RIMS2: variants seen among roughly 807,000 people sequenced by gnomAD.
The protein encoded by RIMS2 is regulating synaptic membrane exocytosis protein 2.
Under a neutral mutation model 174.4 loss-of-function variants are expected in RIMS2, and 59 were observed. That is an observed-to-expected ratio of 0.34 (90% CI 0.27 to 0.42). The LOEUF (loss-of-function observed/expected upper bound fraction) is 0.42. Ranked by LOEUF, RIMS2 falls within the 10% of genes least tolerant of loss-of-function variation. The probability of loss-of-function intolerance (pLI) is 1.00; values close to 1 mark genes in which losing one functional copy is unlikely to be tolerated. For missense variants in RIMS2, 1,620 were observed against 1,666.3 expected, an observed-to-expected ratio of 0.97 and a Z score of 0.48; for synonymous variants, 606 against 572.5, an observed-to-expected ratio of 1.06 and a Z score of -0.84.
intron 1 of RIMS2, among the ~76,000 whole-genome samples, chr8:103,629,274 G>A (rs554312164): frequency 4.6e-5 from 7 of 152,202 alleles, no homozygotes; most frequent in Non-Finnish European, 8.8e-5. Flanking sequence ...TTAGAGGGAA[G>A]AATTTTTATA....
At chr8:103,786,882 C>G (rs1254382865) in intron 3 of RIMS2, among the ~76,000 whole-genome samples, 5 of 151,866 alleles carry the variant, frequency 3.3e-5, no homozygotes, top group African/African-American at 4.8e-5. Context: ...GTTAAAGTCT[C>G]CCATTATTAA....
At chr8:104,135,136 G>A (rs535367817) in intron 19 of RIMS2, among the ~76,000 whole-genome samples, 33 of 152,286 alleles carry the variant, frequency 2.2e-4, no homozygotes, top group African/African-American at 7.2e-4. Flanking sequence ...GAAATGTAAG[G>A]AGAAGTCTGC....
intron 15 of RIMS2, among the ~76,000 whole-genome samples, chr8:103,963,893 A>C (rs2091001488): frequency 6.6e-6 from 1 of 152,200 alleles, no homozygotes; most frequent in South Asian, 2.1e-4. Context: ...TACTGTCTCC[A>C]TAGTTTTGCC....
intron 19 of RIMS2, among the ~76,000 whole-genome samples, chr8:104,228,426 CT>C (rs1304068607): frequency 3.9e-5 from 6 of 152,132 alleles, no homozygotes; most frequent in African/African-American, 1.4e-4. Flanking sequence ...GTACTTAATT[CT>C]TAATAATCAG....
chr8:103,871,127 G>C (rs2099109475), intron 3 of RIMS2, among the ~76,000 whole-genome samples: 1 of 152,100 alleles, frequency 6.6e-6, no homozygotes, highest in Non-Finnish European at 1.5e-5. Context: ...AATGTAAAAG[G>C]GCCAGGCGCA....
chr8:103,791,712 A>C (rs1222772594), intron 3 of RIMS2, among the ~76,000 whole-genome samples: 1 of 152,200 alleles, frequency 6.6e-6, no homozygotes, highest in Non-Finnish European at 1.5e-5. Flanking sequence ...CTCAAAATAA[A>C]GGGATGGAGG....
At chr8:103,554,771 C>A (rs959053608) in intron 1 of RIMS2, among the ~76,000 whole-genome samples, 3 of 152,108 alleles carry the variant, frequency 2.0e-5, no homozygotes, top group African/African-American at 7.2e-5. Flanking sequence ...ATAGTAAAGT[C>A]ATGGAATCAG....
chr8:104,129,104 GCC>G (rs2098453696), intron 19 of RIMS2, among the ~76,000 whole-genome samples: 1 of 152,064 alleles, frequency 6.6e-6, no homozygotes, highest in East Asian at 1.9e-4. Flanking sequence ...AGATTTTATG[GCC>G]AGGCACAATG....
At chr8:103,809,758 T>A (rs1441878683) in intron 3 of RIMS2, among the ~76,000 whole-genome samples, 1 of 152,110 alleles carries the variant, frequency 6.6e-6, no homozygotes, top group Non-Finnish European at 1.5e-5. Context: ...TCAGCACATA[T>A]TACTGATGAG....
chr8:104,094,788 T>G, intron 19 of RIMS2: 3 of 586,034 alleles, frequency 5.1e-6, no homozygotes, highest in Non-Finnish European at 9.0e-6. Flanking sequence ...TTACCATTCC[T>G]AAAAATTATT....
chr8:103,589,555 T>TGATACAGTAC (rs984824498), intron 1 of RIMS2, among the ~76,000 whole-genome samples: 1 of 151,584 alleles, frequency 6.6e-6, no homozygotes, highest in African/African-American at 2.4e-5. Context: ...AGCCACCATA[T>TGATACAGTAC]GATACAGTAC....
intron 3 of RIMS2, among the ~76,000 whole-genome samples, chr8:103,769,420 T>TCTCCTGCC (rs1263957416): frequency 2.0e-5 from 3 of 151,894 alleles, no homozygotes; most frequent in African/African-American, 7.3e-5. Flanking sequence ...GCCTCCCGAG[T>TCTCCTGCC]TCAAGCGATT....
At chr8:103,589,709 G>T (rs968965892) in intron 1 of RIMS2, among the ~76,000 whole-genome samples, 1 of 149,664 alleles carries the variant, frequency 6.7e-6, no homozygotes, top group African/African-American at 2.5e-5. Flanking sequence ...AATAGATAAA[G>T]AAATTGTGAT....
chr8:103,783,662 T>G (rs1055870583), intron 3 of RIMS2, among the ~76,000 whole-genome samples: 1 of 152,058 alleles, frequency 6.6e-6, no homozygotes. Context: ...TAATCCAGTC[T>G]ATCATTGTGG....
intron 3 of RIMS2, among the ~76,000 whole-genome samples, chr8:103,778,712 T>C (rs1168762535): frequency 2.0e-5 from 3 of 152,202 alleles, no homozygotes; most frequent in Non-Finnish European, 4.4e-5. Context: ...GCATTAAACA[T>C]GGGAGTGCAG....
intron 3 of RIMS2, among the ~76,000 whole-genome samples, chr8:103,814,649 A>T (rs1246090446): frequency 6.6e-6 from 1 of 151,950 alleles, no homozygotes; most frequent in Non-Finnish European, 1.5e-5. Flanking sequence ...CTGAGGAGGG[A>T]GGATTGATTG....
chr8:104,087,441 G>C (rs1365665434), intron 19 of RIMS2, among the ~76,000 whole-genome samples: 1 of 151,994 alleles, frequency 6.6e-6, no homozygotes, highest in African/African-American at 2.4e-5. Context: ...TGATAAAACT[G>C]TAATAAAGGC....
intron 1 of RIMS2, among the ~76,000 whole-genome samples, chr8:103,672,766 G>C (rs2096760762): frequency 6.6e-6 from 1 of 151,948 alleles, no homozygotes; most frequent in African/African-American, 2.4e-5. Flanking sequence ...TCCATCCCTT[G>C]TCCCTCCCAA....
chr8:103,647,789 G>A (rs780358324), intron 1 of RIMS2, among the ~76,000 whole-genome samples: 2 of 150,684 alleles, frequency 1.3e-5, no homozygotes, highest in African/African-American at 2.4e-5. Context: ...TTCTGATTGT[G>A]TTTATTTGAT....
Sources: gnomAD v4.1 joint callset for allele counts (sites outside exome capture counted in the v4.1 genomes callset) on GRCh38, gnomAD v4.1.1 for gene constraint, MANE v1.5 for transcripts, NCBI Gene and HGNC (gene_info 2026-07-23, HGNC 2026-07-21) for gene names.